SESTD1: variants seen among roughly 807,000 people sequenced by gnomAD.
The protein encoded by SESTD1 is SEC14 domain and spectrin repeat-containing protein 1.
Under a neutral mutation model 101.7 loss-of-function variants are expected in SESTD1, and 43 were observed. That is an observed-to-expected ratio of 0.42 (90% confidence interval 0.33 to 0.55). SESTD1 has a LOEUF of 0.55. SESTD1 is among the 20% of genes least tolerant of loss of function. The pLI, the probability that SESTD1 is intolerant of heterozygous loss-of-function variation, is 0.07. For synonymous variants in SESTD1, 283 were observed against 286.8 expected, an observed-to-expected ratio of 0.99 and a Z score of 0.13; for missense variants, 647 against 815.1, an observed-to-expected ratio of 0.79 and a Z score of 2.51.
At position 179,124,569 on chromosome 2, in the gene SESTD1, G is replaced by A. The variant is rs1005110290; in HGVS notation, c.973-11C>T. ...CACTGCAAACCATTCCTGTAATCAA[G>A]ATGTTACAAAGTAAACTAAGGCTCA... On this transcript the variant is annotated splice_polypyrimidine_tract_variant and intron_variant, in intron 10 of 17. Transcript: ENST00000428443. 1.1e-5 allele frequency: 17 copies of A among 1,605,172 alleles called. No individual in the cohort carries two copies. Among genetic ancestry groups the A allele is most frequent in the East Asian group, 2.2e-5 (1 of 44,706 alleles).
At position 179,256,204 on chromosome 2, in the gene SESTD1, A is replaced by G. The variant is rs192474309; in HGVS notation, c.-26+8295T>C. On this transcript the variant is annotated intron_variant, in intron 1 of 17. Coordinates refer to ENST00000428443, the MANE Select transcript of SESTD1 (RefSeq NM_178123.5). Reference sequence around the variant, plus strand: ...TTTCAAGTCTTATTATTTTAGAAATACATTTCAAAGGCTATAGCTGCCATA... The same window carrying G: ...TTTCAAGTCTTATTATTTTAGAAATGCATTTCAAAGGCTATAGCTGCCATA... Among the ~76,000 whole-genome samples the G allele has an allele frequency of 2.0e-5, 3 of 152,350 alleles. No individual in the cohort carries two copies. In the East Asian group the frequency reaches 5.8e-4, roughly 29 times the overall value.
chr2:179,110,082 C>A, intron 17 of SESTD1, 54 bp from the exon 18 acceptor site: 2 of 1,575,286 alleles, frequency 1.3e-6, no homozygotes, highest in African/African-American at 1.4e-5. Context: ...CTATTAACTG[C>A]AGTGAATACA....
At chr2:179,135,392 G>A (rs2045117523) in intron 9 of SESTD1, among the ~76,000 whole-genome samples, 1 of 152,046 alleles carries the variant, frequency 6.6e-6, no homozygotes, top group Non-Finnish European at 1.5e-5. Flanking sequence ...CATGTTCTTT[G>A]TTCATTTATG....
chr2:179,236,179 C>T (rs140759149), intron 1 of SESTD1, among the ~76,000 whole-genome samples: 5 of 151,946 alleles, frequency 3.3e-5, no homozygotes, highest in South Asian at 2.1e-4. Flanking sequence ...ACTCAAATAG[C>T]GTTTATTACA....
intron 9 of SESTD1, among the ~76,000 whole-genome samples, chr2:179,136,564 G>A (rs1274305795): frequency 6.6e-6 from 1 of 152,062 alleles, no homozygotes; most frequent in Admixed American, 6.6e-5. Flanking sequence ...TAGAAACATA[G>A]TGATAAAATG....
intron 12 of SESTD1, 111 bp from the exon 13 acceptor site, chr2:179,122,040 G>C: frequency 9.5e-7 from 1 of 1,049,012 alleles, no homozygotes; most frequent in Non-Finnish European, 1.3e-6. Flanking sequence ...TAGGAGCTTT[G>C]TACAGTAAAC....
chr2:179,142,291 TAG>T (rs2045296222), intron 9 of SESTD1, among the ~76,000 whole-genome samples: 1 of 152,224 alleles, frequency 6.6e-6, no homozygotes, highest in Non-Finnish European at 1.5e-5. Flanking sequence ...ACTAGACCTC[TAG>T]AGTAGAGTCT....
intron 4 of SESTD1, among the ~76,000 whole-genome samples, chr2:179,175,783 C>T (rs1559129016): frequency 6.6e-6 from 1 of 152,142 alleles, no homozygotes; most frequent in African/African-American, 2.4e-5. Context: ...TGGGTGCCTA[C>T]TACATGCCAG....
rs2044458954 is a variant in SESTD1 at position 179,109,440 on chromosome 2, A to G, written c.*459T>C. On this transcript the variant is annotated 3_prime_UTR_variant, in exon 18 of 18. Transcript: ENST00000428443. The stretch of plus-strand genomic sequence containing the variant: ...TCTCTGTATTGACACAATAAAAATA[A>G]TCAATTCTGAAGAATTACAAAGTAA... 2.9e-6 allele frequency: 1 copy of G among 340,086 alleles called. No homozygotes were observed. The highest frequency in any genetic ancestry group is 1.5e-4 in the South Asian group (1 of 6,532). The allele number at this position is 340,086 out of a possible 1,614,324, so 21.1% of individuals were successfully genotyped here.
chr2:179,218,256 C>T (rs925522007), intron 1 of SESTD1, among the ~76,000 whole-genome samples: 1 of 151,774 alleles, frequency 6.6e-6, no homozygotes, highest in African/African-American at 2.4e-5. Context: ...AACAGACATT[C>T]ACCTAATATG....
chr2:179,185,098 G>A (rs1050008505), intron 2 of SESTD1, among the ~76,000 whole-genome samples: 1 of 151,710 alleles, frequency 6.6e-6, no homozygotes. Context: ...ACACACCATT[G>A]GAAAAAATAG....
At chr2:179,115,012 A>G in intron 16 of SESTD1, 53 bp downstream of exon 16, 2 of 1,451,078 alleles carry the variant, frequency 1.4e-6, no homozygotes, top group African/African-American at 2.9e-5. Context: ...AACATATTTT[A>G]AACACATATA....
chr2:179,241,952 G>T (rs963328861), intron 1 of SESTD1, among the ~76,000 whole-genome samples: 51 of 151,246 alleles, frequency 3.4e-4, no homozygotes, highest in South Asian at 6.3e-4. Flanking sequence ...ATTAAGAACA[G>T]GCAGGAAGGC....
At chr2:179,173,012 C>T (rs1559127578) in intron 4 of SESTD1, among the ~76,000 whole-genome samples, 1 of 152,156 alleles carries the variant, frequency 6.6e-6, no homozygotes. Context: ...CCTACAAGGC[C>T]CTTCAAGCTC....
At chr2:179,239,698 T>A (rs913142493) in intron 1 of SESTD1, among the ~76,000 whole-genome samples, 5 of 152,198 alleles carry the variant, frequency 3.3e-5, no homozygotes, top group Non-Finnish European at 5.9e-5. Flanking sequence ...GTCTTTATCA[T>A]TATTAAGATA....
At chr2:179,110,171 G>GT (rs1400315215) in intron 17 of SESTD1, 143 bp from the exon 18 acceptor site, 2 of 757,488 alleles carry the variant, frequency 2.6e-6, no homozygotes, top group Non-Finnish European at 4.1e-6. Context: ...TGATCATACT[G>GT]TTTGAGCAGG....
chr2:179,184,782 G>A (rs2046181935), intron 2 of SESTD1, among the ~76,000 whole-genome samples: 1 of 152,022 alleles, frequency 6.6e-6, no homozygotes, highest in South Asian at 2.1e-4. Context: ...CCCCAAAAAA[G>A]GCTCACACCT....
At chr2:179,241,188 A>G (rs1020570989) in intron 1 of SESTD1, among the ~76,000 whole-genome samples, 1 of 152,224 alleles carries the variant, frequency 6.6e-6, no homozygotes, top group Non-Finnish European at 1.5e-5. Flanking sequence ...AGGTGGAAGA[A>G]CAAATGAACA....
At chr2:179,252,285 T>G (rs1326599736) in intron 1 of SESTD1, among the ~76,000 whole-genome samples, 1 of 152,230 alleles carries the variant, frequency 6.6e-6, no homozygotes, top group Non-Finnish European at 1.5e-5. Flanking sequence ...AAATGGGATA[T>G]AAATCCTAAA....
Sources: allele counts gnomAD v4.1 joint callset (sites outside exome capture counted in the v4.1 genomes callset), GRCh38; gene constraint gnomAD v4.1.1; transcripts MANE v1.5; gene names NCBI Gene and HGNC (gene_info 2026-07-23, HGNC 2026-07-21).